Variants in ABCB5 observed in about 807,000 individuals in gnomAD.
The protein encoded by ABCB5 is ATP-binding cassette sub-family B member 5.
In ABCB5, 155 loss-of-function variants were observed where a neutral mutation model predicts 144.2. The ratio of observed to expected loss-of-function variants is 1.08; its 90% CI spans 0.94 to 1.23. ABCB5 has a LOEUF of 1.23. Among genes scored for constraint, ABCB5 ranks in the 50% most tolerant of loss-of-function variants. The pLI, the probability that ABCB5 is intolerant of heterozygous loss-of-function variation, is 0.00. For synonymous variants in ABCB5, 610 were observed against 528.6 expected, an observed-to-expected ratio of 1.15 and a Z score of -2.11; for missense variants, 1,830 against 1,520.8, an observed-to-expected ratio of 1.20 and a Z score of -3.38.
intron 4 of ABCB5, among the ~76,000 whole-genome samples, chr7:20,630,783 T>C (rs13309246): frequency 0.096 from 14,564 of 152,208 alleles, 743 homozygotes; most frequent in East Asian, 0.15. Context: ...TATTCTGTAA[T>C]TGATTGCCTT....
intron 4 of ABCB5, among the ~76,000 whole-genome samples, chr7:20,629,875 T>A (rs1398502718): frequency 6.6e-6 from 1 of 152,180 alleles, no homozygotes; most frequent in Non-Finnish European, 1.5e-5. Flanking sequence ...GGTAGTAGTT[T>A]TTAGCCATGC....
chr7:20,689,122 A>C (rs186834371), intron 16 of ABCB5, among the ~76,000 whole-genome samples: 1 of 151,828 alleles, frequency 6.6e-6, no homozygotes, highest in Non-Finnish European at 1.5e-5. Context: ...ATAATAATAA[A>C]ATAATAATAA....
At chr7:20,683,444 T>G (rs1388381946) in intron 15 of ABCB5, among the ~76,000 whole-genome samples, 2 of 152,300 alleles carry the variant, frequency 1.3e-5, no homozygotes, top group Middle Eastern at 3.4e-3. Flanking sequence ...CTGGTCGAAT[T>G]AAGCCTATTT....
intron 7 of ABCB5, among the ~76,000 whole-genome samples, chr7:20,644,211 A>G (rs974101098): frequency 2.0e-5 from 3 of 152,014 alleles, no homozygotes; most frequent in African/African-American, 7.3e-5. Flanking sequence ...TCAGATCCCA[A>G]GTAGCTGGGA....
chr7:20,749,699 T>C (rs555000553), intron 26 of ABCB5, among the ~76,000 whole-genome samples: 2 of 152,218 alleles, frequency 1.3e-5, no homozygotes, highest in South Asian at 4.1e-4. Context: ...CAAATAATTA[T>C]AGTGCACAGA....
rs760700196 is a variant in ABCB5, at chr7:20,727,030, G to A, written c.2626-10G>A. 12 of 1,595,262 alleles carry A rather than the reference G, an allele frequency of 7.5e-6. No individual in the cohort carries two copies. The South Asian group carries it at 1.1e-4, about 15-fold the overall frequency. Reference sequence around the variant, plus strand: ...TTTTATTTCTATATTGTATTGTCCTGTTTTATAAGATAGCAACTGAAGCTT... The same window carrying A: ...TTTTATTTCTATATTGTATTGTCCTATTTTATAAGATAGCAACTGAAGCTT... On this transcript the variant is annotated splice_polypyrimidine_tract_variant and intron_variant, in intron 21 of 27. Transcript: ENST00000404938.
At chr7:20,659,647 A>G (rs1302020738) in intron 14 of ABCB5, 33 of 988,632 alleles carry the variant, frequency 3.3e-5, no homozygotes, top group Non-Finnish European at 3.8e-5. Context: ...TCATCTTGGT[A>G]CAGAAAATAC....
intron 14 of ABCB5, among the ~76,000 whole-genome samples, chr7:20,670,828 G>T (rs900675489): frequency 2.0e-5 from 3 of 152,198 alleles, no homozygotes; most frequent in African/African-American, 7.2e-5. Context: ...AGAATCGCTT[G>T]AACCTGGGAG....
chr7:20,631,172 T>C (rs1784030195), intron 4 of ABCB5, among the ~76,000 whole-genome samples: 1 of 152,172 alleles, frequency 6.6e-6, no homozygotes, highest in Non-Finnish European at 1.5e-5. Context: ...ACTGAGATTA[T>C]GCCATTTTTA....
intron 15 of ABCB5, among the ~76,000 whole-genome samples, chr7:20,684,466 A>G (rs1785926496): frequency 6.6e-6 from 1 of 152,216 alleles, no homozygotes; most frequent in Admixed American, 6.5e-5. Flanking sequence ...GAGAAAAGCC[A>G]AACAAGGCAG....
At chr7:20,728,583 A>T in intron 23 of ABCB5, 128 bp downstream of exon 23, 1 of 1,100,512 alleles carries the variant, frequency 9.1e-7, no homozygotes, top group Non-Finnish European at 1.2e-6. Context: ...ATAAAACCCC[A>T]TCTCTACTAA....
At chr7:20,729,996 G>A (rs1782157486) in intron 23 of ABCB5, among the ~76,000 whole-genome samples, 1 of 152,186 alleles carries the variant, frequency 6.6e-6, no homozygotes, top group Non-Finnish European at 1.5e-5. Flanking sequence ...GAATAACTTG[G>A]AATAATTTTT....
chr7:20,701,507 G>T (rs117693348), intron 19 of ABCB5, among the ~76,000 whole-genome samples: 231 of 152,110 alleles, frequency 1.5e-3, no homozygotes, highest in Non-Finnish European at 2.5e-3. Context: ...TCTGTTCATG[G>T]AATGCTTTTA....
chr7:20,744,609 T>G (rs943309746), intron 25 of ABCB5, among the ~76,000 whole-genome samples: 13 of 139,956 alleles, frequency 9.3e-5, no homozygotes, highest in African/African-American at 3.5e-4. Flanking sequence ...AAATATAAGC[T>G]ACATCCATGG....
chr7:20,662,233 C>A (rs1218455397), intron 14 of ABCB5, among the ~76,000 whole-genome samples: 2 of 152,220 alleles, frequency 1.3e-5, no homozygotes, highest in Non-Finnish European at 2.9e-5. Flanking sequence ...CAATATTATT[C>A]TTTGAAAACA....
At chr7:20,711,794 T>TCTCTCTCTCTCTC (rs1562573624) in intron 20 of ABCB5, among the ~76,000 whole-genome samples, 2 of 85,678 alleles carry the variant, frequency 2.3e-5, no homozygotes, top group Non-Finnish European at 2.2e-5. Flanking sequence ...CTTTCTTTCT[T>TCTCTCTCTCTCTC]TCTTTCTTTC....
At chr7:20,649,949 A>G (rs1784527315) in intron 11 of ABCB5, 73 bp from the exon 12 acceptor site, 2 of 1,486,028 alleles carry the variant, frequency 1.3e-6, no homozygotes, top group African/African-American at 1.4e-5. Context: ...ATAATTATGT[A>G]CTCATTTTCT....
At chr7:20,740,925 G>A (rs546016087) in intron 24 of ABCB5, among the ~76,000 whole-genome samples, 73 of 151,876 alleles carry the variant, frequency 4.8e-4, no homozygotes, top group South Asian at 2.5e-3. Context: ...TGGTTAACAT[G>A]GCAAAGCCCC....
intron 24 of ABCB5, among the ~76,000 whole-genome samples, chr7:20,741,839 A>G (rs1782570881): frequency 6.6e-6 from 1 of 152,202 alleles, no homozygotes; most frequent in South Asian, 2.1e-4. Context: ...GTCTAACAAC[A>G]AAAATTAATA....
Sources: allele counts gnomAD v4.1 joint callset (sites outside exome capture counted in the v4.1 genomes callset), GRCh38; gene constraint gnomAD v4.1.1; transcripts MANE v1.5; gene names NCBI Gene and HGNC (gene_info 2026-07-23, HGNC 2026-07-21).